Variants in FCHO2 observed in about 807,000 individuals in gnomAD.
The protein encoded by FCHO2 is FCH and mu domain containing endocytic adaptor 2, also known as F-BAR domain only protein 2.
Under a neutral mutation model 114.1 loss-of-function variants are expected in FCHO2, and 43 were observed. The observed-to-expected ratio is 0.38, with a 90% confidence interval of 0.30 to 0.49. The LOEUF is 0.49. Ranked by LOEUF, FCHO2 falls within the 20% of genes least tolerant of loss-of-function variation. The pLI, the probability that FCHO2 is intolerant of heterozygous loss-of-function variation, is 0.97. For missense variants in FCHO2, 807 were observed against 950.4 expected (o/e 0.85, Z 1.98); for synonymous variants, 293 against 315.2 (o/e 0.93, Z 0.75).
intron 2 of FCHO2, among the ~76,000 whole-genome samples, chr5:72,971,685 T>A (rs1431974264): frequency 6.6e-6 from 1 of 152,258 alleles, no homozygotes; most frequent in Admixed American, 6.5e-5. Context: ...TCTTTTGCTG[T>A]GCAGAAGCTC....
intron 12 of FCHO2, 47 bp from the exon 13 acceptor site, chr5:73,052,285 T>C (rs759943217): frequency 8.7e-6 from 13 of 1,500,506 alleles, no homozygotes; most frequent in Non-Finnish European, 9.0e-7. Flanking sequence ...GAAAAACTGG[T>C]TATACGTCTA....
chr5:72,960,225 C>G (rs770006592), intron 1 of FCHO2, among the ~76,000 whole-genome samples: 12 of 152,214 alleles, frequency 7.9e-5, no homozygotes, highest in Non-Finnish European at 1.3e-4. Context: ...GCAGCACATT[C>G]TTCCTTTTTC....
intron 8 of FCHO2, among the ~76,000 whole-genome samples, chr5:73,021,461 TC>T (rs1755620059): frequency 6.6e-6 from 1 of 152,162 alleles, no homozygotes; most frequent in Admixed American, 6.5e-5. Flanking sequence ...CATACATGCT[TC>T]CTTTTTTCCT....
intron 5 of FCHO2, among the ~76,000 whole-genome samples, chr5:73,006,097 T>C (rs1050343731): frequency 1.5e-4 from 23 of 149,412 alleles, no homozygotes; most frequent in African/African-American, 5.6e-4. Flanking sequence ...TTGTATATTG[T>C]CTGGAAGTTT....
In FCHO2 at chr5:73,068,682, C is replaced by A. The variant is rs1008179452; in HGVS notation, c.1482C>A (p.Asn494Lys). ...PRPFSPPVTS[N>K]TSPPPAAPLA... ...CATTCAGCCCACCTGTAACTTCCAA[C>A]ACCAGCCCACCTCCTGCTGCACCAT... The change falls in exon 19 of 26, where the codon AAC (asparagine) becomes AAA (lysine). Residue 494 changes from asparagine to lysine, a missense_variant. Coordinates refer to ENST00000430046, the MANE Select transcript of FCHO2 (RefSeq NM_138782.3). The A allele has an allele frequency of 2.5e-6, 4 of 1,612,332 alleles. No homozygotes were observed. Among genetic ancestry groups the A allele is most frequent in the Non-Finnish European group, 3.4e-6 (4 of 1,178,932 alleles).
Position 72,961,617 on chromosome 5 carries a change from G to A in FCHO2, c.33+5488G>A, listed in dbSNP as rs188079740. ...TTTCTTTCTTTTTTTTTTTTGAGAC[G>A]GAGTTTCGCTCTTGTTGCCCAGGCT... On this transcript the variant is annotated intron_variant, in intron 1 of 25. Transcript: ENST00000430046. Among the ~76,000 whole-genome samples, 216 of 150,118 alleles carry A rather than the reference G, an allele frequency of 1.4e-3. 1 individual carries two copies. Among genetic ancestry groups the A allele is most frequent in the African/African-American group, 5.0e-3 (206 of 40,874 alleles).
chr5:73,068,860 G>A (rs532712951), intron 19 of FCHO2, 81 bp downstream of exon 19: 2 of 1,410,334 alleles, frequency 1.4e-6, no homozygotes, highest in South Asian at 3.2e-5. Context: ...TTTTAAATGG[G>A]CTAATGAAGA....
At chr5:73,087,946 T>G (rs1444800000) in intron 25 of FCHO2, 122 bp from the exon 26 acceptor site, 1 of 1,433,894 alleles carries the variant, frequency 7.0e-7, no homozygotes, top group African/African-American at 1.4e-5. Flanking sequence ...ACCTGTTATC[T>G]GATTCTAATG....
chr5:72,971,779 C>T (rs1188068052), intron 2 of FCHO2, among the ~76,000 whole-genome samples: 1 of 152,154 alleles, frequency 6.6e-6, no homozygotes, highest in East Asian at 1.9e-4. Context: ...CTTGCCCATG[C>T]CTATGTCCTG....
Position 73,087,624 on chromosome 5 carries a change from GA to G in FCHO2, c.2283del (p.Gly762AspfsTer22). On this transcript the variant is annotated frameshift_variant, in exon 25 of 26. Coordinates refer to ENST00000430046, the MANE Select transcript of FCHO2 (RefSeq NM_138782.3). LOFTEE classifies it high-confidence loss of function. ...GSLRAKFDLSEGPSKPTTLAV... is the reference protein window; with the variant it reads ...GSLRAKFDLSXGPSKPTTLAV... ...CCTCCGAGCAAAATTTGATCTTTCAGAAGGACCTAGTAAACCCACGACACTT... is the reference window on the plus strand; with the variant it reads ...CCTCCGAGCAAAATTTGATCTTTCAGAGGACCTAGTAAACCCACGACACTT... 1 of 1,613,758 alleles carries G rather than the reference GA, an allele frequency of 6.2e-7. No homozygotes were observed. Among genetic ancestry groups the G allele is most frequent in the Non-Finnish European group, 8.5e-7 (1 of 1,179,824 alleles).
At chr5:73,036,953 A>T (rs1054367932) in intron 9 of FCHO2, among the ~76,000 whole-genome samples, 190 bp from the exon 10 acceptor site, 6 of 152,334 alleles carry the variant, frequency 3.9e-5, no homozygotes, top group Admixed American at 3.9e-4. Flanking sequence ...TAAACAATAG[A>T]CTATGTTTTA....
intron 8 of FCHO2, among the ~76,000 whole-genome samples, chr5:73,028,387 G>T (rs1043287812): frequency 2.0e-5 from 3 of 152,138 alleles, no homozygotes; most frequent in African/African-American, 7.2e-5. Flanking sequence ...TTACCCAAGA[G>T]AAAAGGAAAT....
intron 6 of FCHO2, among the ~76,000 whole-genome samples, chr5:73,010,939 T>C (rs1459286914): frequency 2.0e-5 from 3 of 150,130 alleles, no homozygotes; most frequent in African/African-American, 7.4e-5. Flanking sequence ...CTAGATGGTG[T>C]AGACTGCTAC....
Position 73,047,422 on chromosome 5 carries a change from A to C in FCHO2, c.940-3927A>C, listed in dbSNP as rs115110774. Reference sequence around the variant, plus strand: ...TAGTTTTTTTTTTTAAACAAAGATAAGCAGATGTATGTTTGTGTTCTTATT... The same window carrying C: ...TAGTTTTTTTTTTTAAACAAAGATACGCAGATGTATGTTTGTGTTCTTATT... On this transcript the variant is annotated intron_variant, in intron 11 of 25. Transcript: ENST00000430046. Among the ~76,000 whole-genome samples, 282 of 152,204 alleles carry C rather than the reference A, an allele frequency of 1.9e-3. 3 individuals are homozygous for C. The highest frequency in any genetic ancestry group is 6.4e-3 in the African/African-American group (266 of 41,546).
At position 73,087,598 on chromosome 5, in the gene FCHO2, C is replaced by A; in HGVS notation, c.2255C>A (p.Ser752Tyr). 6.2e-7 allele frequency: 1 copy of A among 1,613,702 alleles called. No homozygotes were observed. Among genetic ancestry groups the A allele is most frequent in the South Asian group, 1.1e-5 (1 of 91,062 alleles). The change falls in exon 25 of 26, where the codon TCC becomes TAC. Residue 752 changes from serine (S) to tyrosine (Y), a missense_variant. By Grantham distance (144) the Ser-to-Tyr change is moderately radical. Coordinates refer to ENST00000430046, the MANE Select transcript of FCHO2 (RefSeq NM_138782.3). ...ATTCTTTTCTTTGTAGGTTCTGGGT[C>A]CCTCCGAGCAAAATTTGATCTTTCA... ...SEKSENGGSGSLRAKFDLSEG... is the reference protein window; with the variant it reads ...SEKSENGGSGYLRAKFDLSEG...
At chr5:73,060,002 A>G (rs979416491) in intron 17 of FCHO2, among the ~76,000 whole-genome samples, 2 of 152,008 alleles carry the variant, frequency 1.3e-5, no homozygotes, top group Non-Finnish European at 2.9e-5. Context: ...TCAAATTGGT[A>G]TCACAGAGGT....
At chr5:73,012,958 A>G (rs1362249799) in intron 6 of FCHO2, among the ~76,000 whole-genome samples, 8 of 152,186 alleles carry the variant, frequency 5.3e-5, no homozygotes, top group Non-Finnish European at 8.8e-5. Flanking sequence ...TTCAAAAGGG[A>G]ATGAAGACAG....
intron 2 of FCHO2, among the ~76,000 whole-genome samples, chr5:72,969,413 T>C (rs1000947342): frequency 6.6e-6 from 1 of 152,216 alleles, no homozygotes. Flanking sequence ...AGTTCGGTTC[T>C]TTTCTTACTC....
intron 2 of FCHO2, among the ~76,000 whole-genome samples, chr5:72,978,835 T>C (rs764732966): frequency 2.0e-5 from 3 of 152,182 alleles, no homozygotes; most frequent in Non-Finnish European, 4.4e-5. Context: ...CTGAATTTTG[T>C]TGAAGGCCTT....
Sources: allele counts gnomAD v4.1 joint callset (sites outside exome capture counted in the v4.1 genomes callset), GRCh38; gene constraint gnomAD v4.1.1; transcripts MANE v1.5; gene names NCBI Gene and HGNC (gene_info 2026-07-23, HGNC 2026-07-21).